SLC35D4: variants seen among roughly 807,000 people sequenced by gnomAD.
SLC35D4 encodes UDP-N-acetylglucosamine transporter SLC35D4.
chr18:23,417,334 G>T, the SLC35D4 span, among the ~76,000 whole-genome samples: 2 of 152,042 alleles, frequency 1.3e-5, no homozygotes, highest in Non-Finnish European at 2.9e-5. Flanking sequence ...ACATTGTTCA[G>T]CCTCCACAAG....
the SLC35D4 span, among the ~76,000 whole-genome samples, chr18:23,267,457 C>T: frequency 1.1e-4 from 17 of 152,208 alleles, no homozygotes; most frequent in African/African-American, 4.1e-4. Context: ...TTCTGCACTC[C>T]CTCCACCCCG....
At chr18:23,309,585 A>C in the SLC35D4 span, 2 of 1,075,720 alleles carry the variant, frequency 1.9e-6, no homozygotes, top group Non-Finnish European at 2.9e-6. Context: ...CAGCCAACGC[A>C]CACTCCCTTT....
chr18:23,315,700 G>C, the SLC35D4 span, among the ~76,000 whole-genome samples: 2 of 152,148 alleles, frequency 1.3e-5, no homozygotes, highest in Non-Finnish European at 2.9e-5. Context: ...CCTTATCCTT[G>C]ACCAGTTCCC....
the SLC35D4 span, among the ~76,000 whole-genome samples, chr18:23,416,735 G>C: frequency 3.3e-5 from 5 of 152,222 alleles, no homozygotes; most frequent in African/African-American, 1.2e-4. Context: ...GGAGACAGTG[G>C]TGAAAAGACT....
chr18:23,254,770 C>T, the SLC35D4 span, among the ~76,000 whole-genome samples: 1 of 152,176 alleles, frequency 6.6e-6, no homozygotes, highest in Admixed American at 6.5e-5. Flanking sequence ...GGCTCTGAAT[C>T]CCTTCACTCC....
At chr18:23,393,223 T>G in the SLC35D4 span, among the ~76,000 whole-genome samples, 1 of 149,096 alleles carries the variant, frequency 6.7e-6, no homozygotes, top group Non-Finnish European at 1.5e-5. Context: ...CCTAGATTAT[T>G]TTTTTTTTTA....
the SLC35D4 span, among the ~76,000 whole-genome samples, chr18:23,328,376 G>T: frequency 1.2e-4 from 18 of 152,166 alleles, no homozygotes; most frequent in African/African-American, 4.1e-4. Context: ...CAAAATCAAT[G>T]TGCAAAAATC....
At chr18:23,242,386 C>G in the SLC35D4 span, among the ~76,000 whole-genome samples, 2 of 152,162 alleles carry the variant, frequency 1.3e-5, no homozygotes, top group Non-Finnish European at 2.9e-5. Flanking sequence ...GTTGAGCCAC[C>G]TGGCTACGTG....
the SLC35D4 span, chr18:23,356,659 A>C: frequency 1.2e-6 from 2 of 1,614,104 alleles, no homozygotes; most frequent in Non-Finnish European, 1.7e-6. This position sits in a 1 kb window ranked among gnomAD's most constrained non-coding sequence, Gnocchi z 4.1. Context: ...CGCTGAAGAG[A>C]TCACCTGAGG....
At chr18:23,406,484 C>T in the SLC35D4 span, among the ~76,000 whole-genome samples, 5 of 152,264 alleles carry the variant, frequency 3.3e-5, no homozygotes, top group African/African-American at 9.6e-5. Flanking sequence ...GCAGACCACA[C>T]CTAAACTTGG....
the SLC35D4 span, among the ~76,000 whole-genome samples, chr18:23,401,385 C>T: frequency 6.6e-6 from 1 of 152,086 alleles, no homozygotes; most frequent in Non-Finnish European, 1.5e-5. Context: ...ACCAAGCAGC[C>T]AATTATCTGA....
chr18:23,404,637 C>T, the SLC35D4 span, among the ~76,000 whole-genome samples: 3 of 146,842 alleles, frequency 2.0e-5, no homozygotes, highest in South Asian at 2.2e-4. Context: ...TTCAGTGAGC[C>T]GAGATCACGC....
At chr18:23,312,672 G>A in the SLC35D4 span, among the ~76,000 whole-genome samples, 1 of 152,098 alleles carries the variant, frequency 6.6e-6, no homozygotes, top group African/African-American at 2.4e-5. Flanking sequence ...TGGTTTCTAC[G>A]TGCGTGATGC....
the SLC35D4 span, among the ~76,000 whole-genome samples, chr18:23,410,233 C>A: frequency 2.0e-5 from 3 of 152,188 alleles, no homozygotes; most frequent in Admixed American, 6.5e-5. Flanking sequence ...ATAATCCCAG[C>A]ACTTTGGGAG....
the SLC35D4 span, among the ~76,000 whole-genome samples, chr18:23,365,117 A>ACCCTT: frequency 6.6e-6 from 1 of 152,062 alleles, no homozygotes; most frequent in Admixed American, 6.6e-5. Flanking sequence ...ATTTGAGGTT[A>ACCCTT]CCCTTTGGGA....
At chr18:23,414,374 AAGAG>A in the SLC35D4 span, among the ~76,000 whole-genome samples, 2 of 146,936 alleles carry the variant, frequency 1.4e-5, no homozygotes, top group Non-Finnish European at 3.0e-5. Flanking sequence ...GAAAGAGAGA[AAGAG>A]AGAGAGAGTT....
At chr18:23,326,351 C>A in the SLC35D4 span, among the ~76,000 whole-genome samples, 1 of 152,140 alleles carries the variant, frequency 6.6e-6, no homozygotes, top group Non-Finnish European at 1.5e-5. Flanking sequence ...TAAAGGGATG[C>A]AGGAAGATCT....
At chr18:23,311,104 CTTTTT>C in the SLC35D4 span, among the ~76,000 whole-genome samples, 1 of 142,330 alleles carries the variant, frequency 7.0e-6, no homozygotes, top group Admixed American at 7.1e-5. Flanking sequence ...TTTCTCTTCC[CTTTTT>C]TTTTTTTTTT....
chr18:23,388,063 T>C, the SLC35D4 span, among the ~76,000 whole-genome samples: 3 of 152,184 alleles, frequency 2.0e-5, no homozygotes, highest in Admixed American at 2.0e-4. Flanking sequence ...GGGGGCTGGA[T>C]CTTACTGAAT....
Sources: allele counts gnomAD v4.1 joint callset (sites outside exome capture counted in the v4.1 genomes callset), GRCh38; gene constraint gnomAD v4.1.1; non-coding constraint Gnocchi (gnomAD v3.1); transcripts MANE v1.5; gene names NCBI Gene and HGNC (gene_info 2026-07-23, HGNC 2026-07-21).